SSX3: variants seen among roughly 807,000 people sequenced by gnomAD.
SSX3 encodes protein SSX3.
A neutral mutation model predicts 14.8 loss-of-function variants in SSX3; 6 were observed. The ratio of observed to expected loss-of-function variants is 0.41; its 90% CI spans 0.22 to 0.80. SSX3 has a LOEUF of 0.80. Ranked by LOEUF, SSX3 falls within the 30% of genes least tolerant of loss-of-function variation. The probability of loss-of-function intolerance (pLI) is 0.34; values close to 1 mark genes in which losing one functional copy is unlikely to be tolerated. For synonymous variants in SSX3, 55 were observed against 52.9 expected (o/e 1.04, Z -0.18); for missense variants, 163 against 152.2 (o/e 1.07, Z -0.37).
intron 4 of SSX3, among the ~76,000 whole-genome samples, chrX:48,353,121 A>G (rs1601985148): frequency 9.4e-6 from 1 of 106,163 alleles, no homozygotes; most frequent in African/African-American, 3.6e-5. Flanking sequence ...CAGTTTTAAC[A>G]CTTTCTTTCT....
chrX:48,348,562 G>T (rs1381019220), intron 6 of SSX3: 1 of 438,640 alleles, frequency 2.3e-6, no homozygotes, highest in Non-Finnish European at 4.1e-6. Flanking sequence ...AGCTAGAAAT[G>T]GCTAAGATTA....
At chrX:48,348,561 T>C in intron 6 of SSX3, 1 of 438,463 alleles carries the variant, frequency 2.3e-6, no homozygotes, top group Non-Finnish European at 4.1e-6. Context: ...AAGCTAGAAA[T>C]GGCTAAGATT....
Position 48,349,383 on chromosome X carries a change from G to A in SSX3, c.466+604C>T, listed in dbSNP as rs1359246549. On this transcript the variant is annotated intron_variant, in intron 6 of 7. Coordinates refer to ENST00000298396, the MANE Select transcript of SSX3 (RefSeq NM_021014.4). ...GCAAAAAGAGTGTGACTCACTGAAGGCTCAGAAGATTGTTAGCATTTTTAA... is the reference window on the plus strand; with the variant it reads ...GCAAAAAGAGTGTGACTCACTGAAGACTCAGAAGATTGTTAGCATTTTTAA... 6.3e-5 allele frequency: 44 copies of A among 700,321 alleles called. No homozygotes were observed. In the African/African-American group the frequency reaches 9.3e-4, roughly 15 times the overall value. The allele number at this position is 700,321 out of a possible 1,213,427, so 57.7% of individuals were successfully genotyped here. A position where few individuals can be genotyped will look rare whatever the true frequency, so the allele number is the denominator to read the frequency against.
chrX:48,353,736 T>C (rs1172897557), intron 4 of SSX3, among the ~76,000 whole-genome samples: 2 of 111,970 alleles, frequency 1.8e-5, no homozygotes, highest in Non-Finnish European at 3.8e-5. Context: ...CCAGTCACCT[T>C]AGTTTGATGG....
At position 48,347,594 on chromosome X, in the gene SSX3, C is replaced by T. The variant is rs138449915; in HGVS notation, c.477G>A (p.Arg159=). The T allele has an allele frequency of 9.1e-6, 11 of 1,209,590 alleles. No individual in the cohort carries two copies. Among genetic ancestry groups the T allele is most frequent in the South Asian group, 1.8e-5 (1 of 56,878 alleles). ...EKINMISGPK[R]GEHAWTHRLR... ...GTCTGTGGGTCCAGGCATGTTCCCC[C>T]CTTTTGGGTCCTATGATGGAGAATA... The change falls in exon 7 of 8, where the codon AGG becomes AGA. Residue 159 remains arginine (R), a synonymous_variant. Coordinates refer to ENST00000298396, the MANE Select transcript of SSX3 (RefSeq NM_021014.4).
chrX:48,347,056 G>T (rs1482919900), intron 7 of SSX3, 21 bp from the exon 8 acceptor site: 2 of 1,196,214 alleles, frequency 1.7e-6, no homozygotes, highest in African/African-American at 3.5e-5. Context: ...AAGAGAGAAG[G>T]AAAGTAAGTG....
At chrX:48,352,555 C>A (rs1381990806) in intron 4 of SSX3, among the ~76,000 whole-genome samples, 1 of 112,380 alleles carries the variant, frequency 8.9e-6, no homozygotes, top group Non-Finnish European at 1.9e-5. Context: ...TGTGGTGAAC[C>A]ACGGATGATT....
chrX:48,354,869 C>G, intron 2 of SSX3, 123 bp from the exon 3 acceptor site: 4 of 1,196,027 alleles, frequency 3.3e-6, no homozygotes, highest in Non-Finnish European at 4.5e-6. Flanking sequence ...GTTGATGCCA[C>G]GGCTAACTGA....
intron 5 of SSX3, among the ~76,000 whole-genome samples, 179 bp from the exon 6 acceptor site, chrX:48,350,301 C>G (rs781996027): frequency 2.7e-5 from 3 of 110,881 alleles, no homozygotes; most frequent in Admixed American, 1.9e-4. Flanking sequence ...AAGGAATGGC[C>G]TAAGTGAATA....
Position 48,350,073 on chromosome X carries a change from G to A in SSX3, c.380C>T (p.Pro127Leu), listed in dbSNP as rs782523179. The A allele has an allele frequency of 1.2e-5, 15 of 1,210,140 alleles. No homozygotes were observed. The South Asian group carries it at 2.3e-4, about 18-fold the overall frequency. The change falls in exon 6 of 8, where the codon CCA (proline) becomes CTA (leucine). Residue 127 changes from proline (P) to leucine (L), a missense_variant. Transcript: ENST00000298396. ...ATCGTTTTGTGGGCCAGATGCTTCT[G>A]GCACTTCCTTCGAAACATTTCCTTC... ...AEEGNVSKEV[P>L]EASGPQNDGK...
chrX:48,354,898 C>T, intron 2 of SSX3, 152 bp from the exon 3 acceptor site: 1 of 1,193,113 alleles, frequency 8.4e-7, no homozygotes, highest in Non-Finnish European at 1.1e-6. Flanking sequence ...GAGGGACCTT[C>T]CTAGCTTCAC....
chrX:48,350,409 G>C (rs1688471268), intron 5 of SSX3, among the ~76,000 whole-genome samples: 1 of 111,561 alleles, frequency 9.0e-6, no homozygotes, highest in Non-Finnish European at 1.9e-5. Context: ...GTGATATACA[G>C]ATGATTTGGA....
chrX:48,347,265 A>C (rs1556948728), intron 7 of SSX3, among the ~76,000 whole-genome samples: 1 of 112,569 alleles, frequency 8.9e-6, no homozygotes, highest in Non-Finnish European at 1.9e-5. Flanking sequence ...CCCGCATATC[A>C]GGGCTGACCT....
chrX:48,353,650 C>A (rs1556950331), intron 4 of SSX3, among the ~76,000 whole-genome samples: 2 of 111,042 alleles, frequency 1.8e-5, no homozygotes, highest in Non-Finnish European at 3.8e-5. Flanking sequence ...ACAAAACACA[C>A]TATCAACAAG....
At chrX:48,347,353 G>A in intron 7 of SSX3, 147 bp downstream of exon 7, 5 of 954,289 alleles carry the variant, frequency 5.2e-6, no homozygotes, top group Middle Eastern at 4.0e-4. Context: ...AAGAGCATGG[G>A]AAATCTCATC....
In SSX3 at chrX:48,352,006, T is replaced by C. The variant is rs146365831; in HGVS notation, c.330+94A>G. ...GATAGACATGGGGAGAAGAAGGCAG[T>C]GAGGGCATTGTTGATATTCTCCCAC... is the stretch of plus-strand genomic sequence containing the variant. On this transcript the variant is annotated intron_variant, in intron 5 of 7. Coordinates refer to ENST00000298396, the MANE Select transcript of SSX3 (RefSeq NM_021014.4). The C allele has an allele frequency of 1.7e-4, 183 of 1,070,422 alleles. 1 individual carries two copies. The African/African-American group carries it at 2.8e-3, about 17-fold the overall frequency. 88.2% of individuals were successfully genotyped at this position (1,070,422 alleles called of 1,213,427 possible).
rs1434828476 is a variant in SSX3, at chrX:48,355,071, CCT to C, written c.69+108_69+109del. 4.3e-5 allele frequency: 52 copies of C among 1,201,628 alleles called. No homozygotes were observed. The African/African-American group carries it at 7.2e-4, about 17-fold the overall frequency. On this transcript the variant is annotated intron_variant, in intron 2 of 7. Transcript: ENST00000298396. ...GAGGCTCCCAAGGGTCCAGATCTCC[CCT>C]GAGACCCTGCTCCTTGTCTCCAGTA...
At chrX:48,349,871 C>T in intron 6 of SSX3, 116 bp downstream of exon 6, 2 of 1,161,121 alleles carry the variant, frequency 1.7e-6, no homozygotes, top group South Asian at 4.2e-5. Context: ...GCTGGGCAAG[C>T]TCCTCAGCCC....
At chrX:48,351,386 A>C (rs782590923) in intron 5 of SSX3, among the ~76,000 whole-genome samples, 5 of 111,470 alleles carry the variant, frequency 4.5e-5, no homozygotes, top group African/African-American at 1.6e-4. Context: ...AGGAGCTCAC[A>C]GTAGGGAGGG....
Sources: gnomAD v4.1 joint callset for allele counts (sites outside exome capture counted in the v4.1 genomes callset) on GRCh38, gnomAD v4.1.1 for gene constraint, MANE v1.5 for transcripts, NCBI Gene and HGNC (gene_info 2026-07-23, HGNC 2026-07-21) for gene names.